Variants in CDH13 observed in about 807,000 individuals in gnomAD.
CDH13 encodes cadherin-13.
In CDH13, 24 loss-of-function variants were observed where a neutral mutation model predicts 63.8. The observed-to-expected ratio is 0.38, with a 90% CI of 0.27 to 0.53. CDH13 has a LOEUF of 0.53. Among genes scored for constraint, CDH13 ranks in the 20% least tolerant of loss-of-function variants. CDH13 has a pLI of 0.85. For synonymous variants in CDH13, 503 were observed against 355.3 expected, an observed-to-expected ratio of 1.42 and a Z score of -4.67; for missense variants, 1,049 against 903.1, an observed-to-expected ratio of 1.16 and a Z score of -2.07.
At chr16:82,698,800 G>A (rs935032467) in intron 1 of CDH13, among the ~76,000 whole-genome samples, 1 of 152,172 alleles carries the variant, frequency 6.6e-6, no homozygotes. Context: ...GTTTTTCTCT[G>A]TTTAAGAAGG....
chr16:82,925,585 G>T (rs993095626), intron 2 of CDH13, among the ~76,000 whole-genome samples: 7 of 152,222 alleles, frequency 4.6e-5, no homozygotes, highest in Non-Finnish European at 1.5e-5. Context: ...GGCAGATGAA[G>T]ATCAGGGGAA....
chr16:83,076,980 C>G (rs971719526), intron 3 of CDH13, among the ~76,000 whole-genome samples: 1 of 151,944 alleles, frequency 6.6e-6, no homozygotes, highest in African/African-American at 2.4e-5. Context: ...AAGATAGAAA[C>G]CATCATTATG....
At chr16:83,596,843 C>A (rs1160391546) in intron 7 of CDH13, among the ~76,000 whole-genome samples, 1 of 152,152 alleles carries the variant, frequency 6.6e-6, no homozygotes, top group East Asian at 1.9e-4. Flanking sequence ...TTACTGTTCT[C>A]CTTGTGAAAG....
chr16:83,755,739 G>A (rs1913452259), intron 11 of CDH13, among the ~76,000 whole-genome samples: 3 of 132,108 alleles, frequency 2.3e-5, no homozygotes, highest in African/African-American at 5.3e-5. Flanking sequence ...GTGAATTAAA[G>A]ACTTTTGGGG....
intron 7 of CDH13, among the ~76,000 whole-genome samples, chr16:83,527,589 G>C (rs1460215017): frequency 1.3e-5 from 2 of 152,196 alleles, no homozygotes; most frequent in Admixed American, 6.5e-5. Context: ...ACATCCGTTT[G>C]ATGGCATTAT....
At chr16:83,731,697 A>G (rs1911057023) in intron 10 of CDH13, among the ~76,000 whole-genome samples, 1 of 152,206 alleles carries the variant, frequency 6.6e-6, no homozygotes, top group Non-Finnish European at 1.5e-5. Flanking sequence ...TTCTTTGCCA[A>G]GGTCAATGTG....
rs562141893 is a variant in CDH13 at position 83,100,297 on chromosome 16, T to C, written c.367-25088T>C. 1.2e-4 allele frequency among the ~76,000 whole-genome samples: 18 copies of C among 152,204 alleles called. No individual in the cohort carries two copies. In the South Asian group the frequency reaches 3.7e-3, roughly 32 times the overall value. The stretch of plus-strand genomic sequence containing the variant: ...GTATGATAGATGAAAACAAGGGACA[T>C]AGATACAAATAAAGCACAGAAGGGA... On this transcript the variant is annotated intron_variant, in intron 3 of 13. Transcript: ENST00000567109.
chr16:82,918,805 C>A (rs1406743489), intron 2 of CDH13, among the ~76,000 whole-genome samples: 1 of 152,160 alleles, frequency 6.6e-6, no homozygotes, highest in African/African-American at 2.4e-5. Flanking sequence ...AGCCCCTACG[C>A]CTGGCCCACA....
intron 6 of CDH13, among the ~76,000 whole-genome samples, chr16:83,351,609 T>C (rs540672759): frequency 6.6e-6 from 1 of 152,362 alleles, no homozygotes; most frequent in South Asian, 2.1e-4. Flanking sequence ...GGATCTACCA[T>C]CGTCTCCTTA....
chr16:83,495,764 G>C (rs1037518922), intron 7 of CDH13, among the ~76,000 whole-genome samples: 2 of 152,116 alleles, frequency 1.3e-5, no homozygotes, highest in Non-Finnish European at 2.9e-5. Flanking sequence ...TTTTTGGCTT[G>C]TAGAGCATGA....
At chr16:82,976,465 C>T (rs988063996) in intron 2 of CDH13, among the ~76,000 whole-genome samples, 5 of 152,166 alleles carry the variant, frequency 3.3e-5, no homozygotes, top group Non-Finnish European at 7.3e-5. Context: ...GCTTTTCCAT[C>T]TTAGATGCTT....
At chr16:83,463,556 T>C (rs2151528148) in intron 6 of CDH13, among the ~76,000 whole-genome samples, 1 of 152,254 alleles carries the variant, frequency 6.6e-6, no homozygotes, top group Non-Finnish European at 1.5e-5. Context: ...ATCCCAGCGC[T>C]TTGGCAGGCC....
intron 4 of CDH13, among the ~76,000 whole-genome samples, chr16:83,166,601 A>G (rs1474626487): frequency 6.6e-6 from 1 of 152,142 alleles, no homozygotes; most frequent in Non-Finnish European, 1.5e-5. Context: ...TTGGGACAGC[A>G]GTTCAGAGGG....
chr16:83,072,609 T>G (rs1014729989), intron 3 of CDH13, among the ~76,000 whole-genome samples: 1 of 152,212 alleles, frequency 6.6e-6, no homozygotes, highest in Non-Finnish European at 1.5e-5. Context: ...ATGAGTCTTC[T>G]TTTACCAGCT....
intron 6 of CDH13, among the ~76,000 whole-genome samples, chr16:83,411,967 C>G (rs2092133844): frequency 6.6e-6 from 1 of 152,188 alleles, no homozygotes. Context: ...AGCCTGTGTT[C>G]TCTGCAGGGT....
At chr16:83,102,017 C>G (rs139296243) in intron 3 of CDH13, among the ~76,000 whole-genome samples, 2 of 152,114 alleles carry the variant, frequency 1.3e-5, no homozygotes, top group Admixed American at 6.5e-5. Context: ...GTTGATGGGT[C>G]CAATGTTATC....
chr16:83,408,605 C>G (rs2092082250), intron 6 of CDH13, among the ~76,000 whole-genome samples: 1 of 152,168 alleles, frequency 6.6e-6, no homozygotes, highest in Admixed American at 6.5e-5. Flanking sequence ...CGATTATAAT[C>G]TAATGAGACA....
chr16:83,601,314 T>C (rs866755108), intron 7 of CDH13, among the ~76,000 whole-genome samples: 1 of 152,188 alleles, frequency 6.6e-6, no homozygotes, highest in Non-Finnish European at 1.5e-5. Context: ...TATTTACCAA[T>C]GACTGCACTC....
chr16:83,393,024 C>T (rs1002379833), intron 6 of CDH13, among the ~76,000 whole-genome samples: 6 of 151,826 alleles, frequency 4.0e-5, no homozygotes, highest in Non-Finnish European at 8.8e-5. Context: ...TTCAGACCTG[C>T]CAATAGCCCT....
Sources: gnomAD v4.1 joint callset for allele counts (sites outside exome capture counted in the v4.1 genomes callset) on GRCh38, gnomAD v4.1.1 for gene constraint, MANE v1.5 for transcripts, NCBI Gene and HGNC (gene_info 2026-07-23, HGNC 2026-07-21) for gene names.